Variants in PHKA1 observed in about 807,000 individuals in gnomAD.
PHKA1 encodes phosphorylase kinase regulatory subunit alpha 1, also known as phosphorylase b kinase regulatory subunit alpha, skeletal muscle isoform.
A neutral mutation model predicts 110.2 loss-of-function variants in PHKA1; 60 were observed. The ratio of observed to expected loss-of-function variants is 0.54; its 90% confidence interval spans 0.44 to 0.68. The LOEUF is 0.68. Ranked by LOEUF, PHKA1 falls within the 30% of genes least tolerant of loss-of-function variation. The pLI is 0.00. For missense variants in PHKA1, 801 were observed against 942.5 expected (o/e 0.85, Z 1.97); for synonymous variants, 316 against 333.6 (o/e 0.95, Z 0.58).
At chrX:72,702,818 G>A (rs2054224548) in intron 3 of PHKA1, among the ~76,000 whole-genome samples, 1 of 111,448 alleles carries the variant, frequency 9.0e-6, no homozygotes, top group Non-Finnish European at 1.9e-5. Context: ...AACTGGTCAG[G>A]GAAAATCCGC....
chrX:72,607,817 T>C (rs782218883), intron 23 of PHKA1, among the ~76,000 whole-genome samples: 35 of 111,501 alleles, frequency 3.1e-4, no homozygotes, highest in Non-Finnish European at 5.3e-4. Context: ...CAGGCCACTA[T>C]GCTCCTCATC....
intron 17 of PHKA1, among the ~76,000 whole-genome samples, chrX:72,623,861 G>A (rs1556280939): frequency 9.0e-6 from 1 of 111,648 alleles, no homozygotes; most frequent in African/African-American, 3.3e-5. Context: ...TAACAGAAAT[G>A]GATCATGGCA....
In PHKA1 at chrX:72,627,065, A is replaced by G. The variant is rs1182683255; in HGVS notation, c.1715-16T>C. ...CCATCTTCATCTTGAAATGAACAGA[A>G]TTTTAAAACAATCTTTGTGGTTTTA... On this transcript the variant is annotated splice_polypyrimidine_tract_variant and intron_variant, in intron 16 of 31. Transcript: ENST00000373542. 4 of 1,141,616 alleles carry G rather than the reference A, an allele frequency of 3.5e-6. No homozygotes were observed. The highest frequency in any genetic ancestry group is 4.8e-6 in the Non-Finnish European group (4 of 832,948). The allele number at this position is 1,141,616 out of a possible 1,213,427, so 94.1% of individuals were successfully genotyped here.
intron 17 of PHKA1, among the ~76,000 whole-genome samples, 190 bp from the exon 18 acceptor site, chrX:72,623,465 G>C (rs1218326266): frequency 9.0e-6 from 1 of 110,686 alleles, no homozygotes; most frequent in Non-Finnish European, 1.9e-5. Context: ...AATGGTTAGG[G>C]GACTGTATTA....
rs147418698 is a variant in PHKA1, at chrX:72,627,504, G to A, written c.1715-455C>T. On this transcript the variant is annotated intron_variant, in intron 16 of 31. Transcript: ENST00000373542. ...AAAGCTAACAATTACCTGATTTTAT[G>A]TGGAAGTAATCATACTACATATACT... is the stretch of plus-strand genomic sequence containing the variant. Among the ~76,000 whole-genome samples, 62 of 112,334 alleles carry A rather than the reference G, an allele frequency of 5.5e-4. No individual in the cohort carries two copies. In the East Asian group the frequency reaches 0.016, roughly 29 times the overall value.
At position 72,613,378 on chromosome X, in the gene PHKA1, TACACACAC is replaced by T. The variant is rs60746566; in HGVS notation, c.2370-2202_2370-2195del. Among the ~76,000 whole-genome samples the T allele has an allele frequency of 6.1e-5, 6 of 97,993 alleles. No homozygotes were observed. The South Asian group carries it at 1.4e-3, about 24-fold the overall frequency. The allele number at this position is 97,993 out of a possible 115,157, so 85.1% of individuals were successfully genotyped here. On this transcript the variant is annotated intron_variant, in intron 21 of 31. Transcript: ENST00000373542. ...ATATCCATAAATGTCCATGGGAGGA[TACACACAC>T]ACACACACACACACACACACACAAC...
chrX:72,630,287 G>A (rs782659535), intron 16 of PHKA1, among the ~76,000 whole-genome samples: 6 of 101,466 alleles, frequency 5.9e-5, no homozygotes, highest in South Asian at 4.4e-4. Context: ...GAAAAAGAGC[G>A]GGGGTGGGGG....
intron 29 of PHKA1, among the ~76,000 whole-genome samples, chrX:72,590,410 A>G (rs1157527012): frequency 8.9e-6 from 1 of 112,260 alleles, no homozygotes; most frequent in Non-Finnish European, 1.9e-5. Context: ...TTTACACCTC[A>G]TACAAAAATT....
Position 72,580,528 on chromosome X carries a change from C to T in PHKA1, c.*474G>A, listed in dbSNP as rs1556199228. Reference sequence around the variant, plus strand: ...AATAGGTAATTCTAATTTATAGCAGCATAAATATTTAACAATTTAGAGTTT... The same window carrying T: ...AATAGGTAATTCTAATTTATAGCAGTATAAATATTTAACAATTTAGAGTTT... On this transcript the variant is annotated 3_prime_UTR_variant, in exon 32 of 32. Transcript: ENST00000373542. 8.0e-6 allele frequency: 1 copy of T among 125,616 alleles called. No homozygotes were observed. Among genetic ancestry groups the T allele is most frequent in the African/African-American group, 3.2e-5 (1 of 31,026 alleles). 10.4% of individuals were successfully genotyped at this position (125,616 alleles called of 1,213,427 possible). A position where few individuals can be genotyped will look rare whatever the true frequency, so the allele number is the denominator to read the frequency against.
chrX:72,621,178 G>A (rs73500344), intron 18 of PHKA1, among the ~76,000 whole-genome samples: 162 of 111,591 alleles, frequency 1.5e-3, no homozygotes, highest in African/African-American at 5.0e-3. Context: ...GTTTTACATT[G>A]GAGCAAGCAT....
In PHKA1 at chrX:72,644,399, T is replaced by C. The variant is rs2053334650; in HGVS notation, c.1422A>G (p.Gln474=). 1 of 1,209,682 alleles carries C rather than the reference T, an allele frequency of 8.3e-7. No individual in the cohort carries two copies. ...AAATGTGGCTGAGAATACGAGCTGG[T>C]TGTACTCTGATGGGGTATACCTCAG... ...TIAEVYPIRV[Q]PARILSHIYS... is the part of the protein sequence containing the mutation. Residue 474 remains glutamine, a synonymous_variant, in exon 14 of 32, where the codon CAA becomes CAG. Coordinates refer to ENST00000373542, the MANE Select transcript of PHKA1 (RefSeq NM_002637.4).
chrX:72,619,803 A>G (rs972641806), intron 19 of PHKA1, among the ~76,000 whole-genome samples: 2 of 111,844 alleles, frequency 1.8e-5, no homozygotes, highest in Non-Finnish European at 3.8e-5. Flanking sequence ...TCATTGTTGA[A>G]ATACTTACCA....
chrX:72,694,047 T>G (rs2054075342), intron 4 of PHKA1, among the ~76,000 whole-genome samples: 1 of 112,085 alleles, frequency 8.9e-6, no homozygotes, highest in Non-Finnish European at 1.9e-5. Context: ...GGAGGTTCCA[T>G]GGAGCCCCTC....
chrX:72,688,375 G>C (rs1181163301), intron 4 of PHKA1, among the ~76,000 whole-genome samples: 2 of 112,054 alleles, frequency 1.8e-5, no homozygotes, highest in Admixed American at 1.9e-4. Flanking sequence ...ATAGTGACAT[G>C]GGACATCAGC....
chrX:72,650,620 GT>G, intron 12 of PHKA1, 152 bp from the exon 13 acceptor site: 1 of 496,360 alleles, frequency 2.0e-6, no homozygotes, highest in Non-Finnish European at 3.5e-6. Context: ...GTATGAAAAT[GT>G]TTGAATTCCC....
At chrX:72,642,037 G>A (rs1026409447) in intron 14 of PHKA1, among the ~76,000 whole-genome samples, 23 of 112,145 alleles carry the variant, frequency 2.1e-4, no homozygotes, top group Non-Finnish European at 3.6e-4. Flanking sequence ...GCTTATCAAT[G>A]AATGAATGAA....
intron 4 of PHKA1, among the ~76,000 whole-genome samples, chrX:72,693,605 A>C (rs781907858): frequency 1.7e-4 from 19 of 111,354 alleles, no homozygotes; most frequent in Non-Finnish European, 3.4e-4. Context: ...GGGAACCTCC[A>C]CCCTAATAGT....
chrX:72,695,674 C>T, intron 4 of PHKA1, 34 bp downstream of exon 4: 4 of 1,199,360 alleles, frequency 3.3e-6, no homozygotes, highest in Non-Finnish European at 4.5e-6. Context: ...ACTCCATGCT[C>T]AGGGGCTCCC....
In PHKA1 at chrX:72,627,881, G is replaced by C. The variant is rs782272724; in HGVS notation, c.1715-832C>G. On this transcript the variant is annotated intron_variant, in intron 16 of 31. Transcript: ENST00000373542. ...TACCTAGGCTGGGGTGCAATGGCTT[G>C]ATCTCGGCTCACTGCAAGCTCCGCC... Among the ~76,000 whole-genome samples the C allele has an allele frequency of 3.4e-3, 307 of 91,341 alleles. 1 individual carries two copies. The highest frequency in any genetic ancestry group is 0.016 in the Middle Eastern group (2 of 125). 79.3% of individuals were successfully genotyped at this position (91,341 alleles called of 115,157 possible). A position where few individuals can be genotyped will look rare whatever the true frequency, so the allele number is the denominator to read the frequency against.
Sources: gnomAD v4.1 joint callset for allele counts (sites outside exome capture counted in the v4.1 genomes callset) on GRCh38, gnomAD v4.1.1 for gene constraint, MANE v1.5 for transcripts, NCBI Gene and HGNC (gene_info 2026-07-23, HGNC 2026-07-21) for gene names.